Variants in LPAR3 observed in about 807,000 individuals in gnomAD.
The protein encoded by LPAR3 is LPA receptor 3.
Under a neutral mutation model 17.8 loss-of-function variants are expected in LPAR3, and 7 were observed. The ratio of observed to expected loss-of-function variants is 0.39; its 90% CI spans 0.22 to 0.74. The LOEUF is 0.74. LPAR3 is among the 30% of genes least tolerant of loss of function. LPAR3 has a pLI of 0.40. For synonymous variants in LPAR3, 179 were observed against 179.9 expected, an observed-to-expected ratio of 0.99 and a Z score of 0.04; for missense variants, 391 against 453.4, an observed-to-expected ratio of 0.86 and a Z score of 1.25.
intron 1 of LPAR3, among the ~76,000 whole-genome samples, chr1:84,885,085 G>A (rs1482160793): frequency 1.3e-5 from 2 of 152,170 alleles, no homozygotes; most frequent in African/African-American, 4.8e-5. Flanking sequence ...GGGATTCCTA[G>A]CAATATCTGG....
intron 2 of LPAR3, among the ~76,000 whole-genome samples, chr1:84,819,494 T>C (rs1042278847): frequency 1.3e-5 from 2 of 152,176 alleles, no homozygotes; most frequent in African/African-American, 4.8e-5. Flanking sequence ...CACAGCCAGT[T>C]TTGTAACCTA....
At chr1:84,851,587 A>G (rs1055673341) in intron 2 of LPAR3, among the ~76,000 whole-genome samples, 1 of 152,266 alleles carries the variant, frequency 6.6e-6, no homozygotes, top group Non-Finnish European at 1.5e-5. Flanking sequence ...GAAGCACTGG[A>G]TAATCAACTC....
rs1465546534 is a variant in LPAR3 at position 84,812,121 on chromosome 1, C to T, written c.*1725G>A. The T allele has an allele frequency of 6.6e-6, 1 of 152,110 alleles. No homozygotes were observed. Among genetic ancestry groups the T allele is most frequent in the Non-Finnish European group, 1.5e-5 (1 of 68,026 alleles). The allele number at this position is 152,110 out of a possible 1,614,324, so 9.4% of individuals were successfully genotyped here. A position where few individuals can be genotyped will look rare whatever the true frequency, so the allele number is the denominator to read the frequency against. On this transcript the variant is annotated 3_prime_UTR_variant, in exon 3 of 3. Transcript: ENST00000370611. ...CTACATGCTAAATCCAACATGCCAC[C>T]AGTTGGTATGGAGGTAACTGAAGAT... is the stretch of plus-strand genomic sequence containing the variant.
At chr1:84,816,831 C>A (rs1056303081) in intron 2 of LPAR3, among the ~76,000 whole-genome samples, 7 of 152,126 alleles carry the variant, frequency 4.6e-5, no homozygotes, top group African/African-American at 1.2e-4. Flanking sequence ...ATATAAATAT[C>A]TTCATTTACT....
At chr1:84,823,709 T>C (rs904552434) in intron 2 of LPAR3, among the ~76,000 whole-genome samples, 7 of 152,296 alleles carry the variant, frequency 4.6e-5, no homozygotes, top group Admixed American at 4.6e-4. Context: ...TTATAAACCA[T>C]GTAAGAAAAC....
intron 2 of LPAR3, among the ~76,000 whole-genome samples, chr1:84,823,037 A>T (rs1659086401): frequency 6.6e-6 from 1 of 152,206 alleles, no homozygotes; most frequent in African/African-American, 2.4e-5. Flanking sequence ...ATACTAACCT[A>T]GTAAGCCGCA....
chr1:84,874,415 G>T (rs12022391), intron 1 of LPAR3, among the ~76,000 whole-genome samples: 71,732 of 151,890 alleles, frequency 0.47, 17,124 homozygotes, highest in Non-Finnish European at 0.52. Context: ...GTTTACAGAA[G>T]GTCTTGGTAT....
chr1:84,878,542 C>T (rs763905186), intron 1 of LPAR3, among the ~76,000 whole-genome samples: 1 of 152,176 alleles, frequency 6.6e-6, no homozygotes, highest in Non-Finnish European at 1.5e-5. Flanking sequence ...TAAGCTACCA[C>T]TTGCATGTCA....
chr1:84,886,451 A>G (rs1336996256), intron 1 of LPAR3, among the ~76,000 whole-genome samples: 1 of 152,178 alleles, frequency 6.6e-6, no homozygotes, highest in African/African-American at 2.4e-5. Flanking sequence ...GCTCAAACCT[A>G]GGAGTTAGAG....
At chr1:84,854,324 CA>C in intron 2 of LPAR3, among the ~76,000 whole-genome samples, 1 of 152,200 alleles carries the variant, frequency 6.6e-6, no homozygotes, top group Non-Finnish European at 1.5e-5. Flanking sequence ...TCTACCTTCT[CA>C]AAGAGGCCTC....
chr1:84,853,107 GAAA>G lies in LPAR3; in HGVS notation c.736+12275_736+12277del, dbSNP rs34146882. Among the ~76,000 whole-genome samples the G allele has an allele frequency of 2.1e-3, 298 of 141,550 alleles. 3 individuals carry two copies. The highest frequency in any genetic ancestry group is 3.3e-3 in the Non-Finnish European group (218 of 65,314). The allele number at this position is 141,550 out of a possible 152,430, so 92.9% of individuals were successfully genotyped here. ...CCCATCTCTAAATAAGAAAAGAAAAGAAAAAAAAAAAAAAACCAAGAACAAAAG... is the reference window on the plus strand; with the variant it reads ...CCCATCTCTAAATAAGAAAAGAAAAGAAAAAAAAAAAACCAAGAACAAAAG... On this transcript the variant is annotated intron_variant, in intron 2 of 2. Transcript: ENST00000370611.
chr1:84,873,997 C>T (rs930474502), intron 1 of LPAR3, among the ~76,000 whole-genome samples: 48 of 152,288 alleles, frequency 3.2e-4, no homozygotes, highest in African/African-American at 1.1e-3. Flanking sequence ...AAGTGATCTG[C>T]CAGCCTCAGC....
At chr1:84,814,319 A>T (rs775503158) in intron 2 of LPAR3, 148 bp from the exon 3 acceptor site, 3 of 635,710 alleles carry the variant, frequency 4.7e-6, no homozygotes, top group Non-Finnish European at 8.2e-6. Context: ...CTACCATCTG[A>T]GCATTTGAGA....
At position 84,866,008 on chromosome 1, in the gene LPAR3, G is replaced by T; in HGVS notation, c.113C>A (p.Thr38Lys). 1 of 1,614,120 alleles carries T rather than the reference G, an allele frequency of 6.2e-7. No homozygotes were observed. The highest frequency in any genetic ancestry group is 8.5e-7 in the Non-Finnish European group (1 of 1,180,002). The part of the protein sequence containing the change: ...TKLVIVLCVG[T>K]FFCLFIFFSN... ...AAAAAAAATAAACAGGCAGAAAAAC[G>T]TCCCAACACACAAAACAATCACAAG... The change falls in exon 2 of 3, where the codon ACG becomes AAG. Residue 38 changes from threonine to lysine, a missense_variant. Coordinates refer to ENST00000370611, the MANE Select transcript of LPAR3 (RefSeq NM_012152.3).
At chr1:84,848,007 G>A (rs973575266) in intron 2 of LPAR3, among the ~76,000 whole-genome samples, 1 of 152,156 alleles carries the variant, frequency 6.6e-6, no homozygotes, top group African/African-American at 2.4e-5. Flanking sequence ...TCATCTAGGA[G>A]CTGCCACTTA....
At chr1:84,829,335 C>T (rs1659237377) in intron 2 of LPAR3, among the ~76,000 whole-genome samples, 1 of 151,776 alleles carries the variant, frequency 6.6e-6, no homozygotes, top group African/African-American at 2.4e-5. Flanking sequence ...GATTCTGATT[C>T]CATGAGTCTG....
chr1:84,879,925 C>G (rs1660332783), intron 1 of LPAR3, among the ~76,000 whole-genome samples: 1 of 152,202 alleles, frequency 6.6e-6, no homozygotes, highest in Non-Finnish European at 1.5e-5. Context: ...GGACTAGTTT[C>G]TATCAACAAG....
chr1:84,838,134 G>A (rs1659440120), intron 2 of LPAR3, among the ~76,000 whole-genome samples: 1 of 152,126 alleles, frequency 6.6e-6, no homozygotes, highest in African/African-American at 2.4e-5. Context: ...TCCCACAAAA[G>A]TAGTCCTTGG....
intron 2 of LPAR3, among the ~76,000 whole-genome samples, chr1:84,817,261 TCACACACA>T (rs71097861): frequency 0.011 from 1,594 of 147,514 alleles, 32 homozygotes; most frequent in African/African-American, 0.037. Context: ...CCAGGATCTA[TCACACACA>T]CACACACACA....
Sources: gnomAD v4.1 joint callset for allele counts (sites outside exome capture counted in the v4.1 genomes callset) on GRCh38, gnomAD v4.1.1 for gene constraint, MANE v1.5 for transcripts, NCBI Gene and HGNC (gene_info 2026-07-23, HGNC 2026-07-21) for gene names.